Variants in PTGER3 observed in about 807,000 individuals in gnomAD.
PTGER3 encodes prostaglandin E receptor 3.
Under a neutral mutation model 34.7 loss-of-function variants are expected in PTGER3, and 22 were observed. The ratio of observed to expected loss-of-function variants is 0.63; its 90% CI spans 0.45 to 0.91. The LOEUF is 0.91. Ranked by LOEUF, PTGER3 falls within the 40% of genes least tolerant of loss-of-function variation. The pLI is 0.00. For synonymous variants in PTGER3, 241 were observed against 230.1 expected (o/e 1.05, Z -0.43); for missense variants, 468 against 519.4 (o/e 0.90, Z 0.96).
chr1:70,881,504 T>G (rs1646389775), intron 4 of PTGER3, among the ~76,000 whole-genome samples: 1 of 152,184 alleles, frequency 6.6e-6, no homozygotes, highest in African/African-American at 2.4e-5. Context: ...TTGTTGTTGT[T>G]GTTGTTGCCA....
downstream of PTGER3, among the ~76,000 whole-genome samples, chr1:70,969,011 A>G (rs147183952): frequency 6.6e-5 from 10 of 152,238 alleles, no homozygotes; most frequent in Admixed American, 1.3e-4. Flanking sequence ...GTTCAAGACC[A>G]GCCTGGCCAA....
intron 4 of PTGER3, among the ~76,000 whole-genome samples, chr1:70,885,629 G>C (rs66515565): frequency 0.36 from 54,273 of 151,844 alleles, 11,004 homozygotes; most frequent in East Asian, 0.68. Flanking sequence ...ATTCAGCAAG[G>C]ATGAATTTAG....
chr1:70,986,167 T>G (rs928221568), intron 2 of PTGER3, among the ~76,000 whole-genome samples: 4 of 152,078 alleles, frequency 2.6e-5, no homozygotes, highest in African/African-American at 9.7e-5. Context: ...CCCTATATGG[T>G]CTAAAAAGGG....
intron 2 of PTGER3, chr1:71,005,705 C>G (rs1413123045): frequency 4.7e-6 from 1 of 211,074 alleles, no homozygotes; most frequent in African/African-American, 2.4e-5. Context: ...AATGGATTTA[C>G]TCAAGGCTAG....
At chr1:70,927,894 C>T (rs1165560357) in intron 4 of PTGER3, among the ~76,000 whole-genome samples, 2 of 152,046 alleles carry the variant, frequency 1.3e-5, no homozygotes, top group Non-Finnish European at 2.9e-5. Context: ...AACCAAGTGC[C>T]TTAGCTTCTT....
chr1:70,998,062 T>G (rs1311872455), intron 2 of PTGER3, among the ~76,000 whole-genome samples: 1 of 152,252 alleles, frequency 6.6e-6, no homozygotes, highest in Non-Finnish European at 1.5e-5. Context: ...TCTTTCTCTC[T>G]GTAGCTTCTT....
intron 4 of PTGER3, among the ~76,000 whole-genome samples, chr1:70,930,917 C>G (rs1648625829): frequency 6.6e-6 from 1 of 152,112 alleles, no homozygotes; most frequent in Non-Finnish European, 1.5e-5. Context: ...CAACAGTTCC[C>G]CTAAGTCTTA....
chr1:70,986,103 A>G (rs1160284555), intron 2 of PTGER3, among the ~76,000 whole-genome samples: 1 of 152,032 alleles, frequency 6.6e-6, no homozygotes, highest in Non-Finnish European at 1.5e-5. Context: ...TCACTGCTAC[A>G]CTCCCACCAG....
downstream of PTGER3, among the ~76,000 whole-genome samples, chr1:70,970,172 CTTATG>C (rs949419774): frequency 1.1e-4 from 17 of 152,178 alleles, no homozygotes; most frequent in East Asian, 9.6e-4. Context: ...TGAATTCTTA[CTTATG>C]TTAGGTATGA....
At chr1:71,013,174 G>C (rs1450881889) in intron 1 of PTGER3, among the ~76,000 whole-genome samples, 1 of 152,026 alleles carries the variant, frequency 6.6e-6, no homozygotes, top group Non-Finnish European at 1.5e-5. Flanking sequence ...TTTTCCCCAA[G>C]TGCCTAGATC....
chr1:70,923,627 T>C (rs975903466), intron 4 of PTGER3, among the ~76,000 whole-genome samples: 10 of 152,216 alleles, frequency 6.6e-5, no homozygotes, highest in African/African-American at 2.4e-4. Flanking sequence ...AATAGAAGTC[T>C]AAAGTAATCT....
chr1:70,882,000 C>T (rs914323917), intron 4 of PTGER3, among the ~76,000 whole-genome samples: 3 of 151,676 alleles, frequency 2.0e-5, no homozygotes, highest in Admixed American at 6.6e-5. Flanking sequence ...GGAAGCTGCA[C>T]CTCCAACAAA....
chr1:71,015,878 G>A (rs568513444), intron 1 of PTGER3, among the ~76,000 whole-genome samples: 34 of 152,260 alleles, frequency 2.2e-4, no homozygotes, highest in African/African-American at 8.2e-4. Context: ...CCCTGGCAAA[G>A]GGGATGGGAA....
chr1:70,940,367 A>C (rs1649640872), intron 4 of PTGER3, among the ~76,000 whole-genome samples: 1 of 152,148 alleles, frequency 6.6e-6, no homozygotes, highest in South Asian at 2.1e-4. Context: ...AAACTGTTCC[A>C]ATCTCCGCCT....
intron 4 of PTGER3, among the ~76,000 whole-genome samples, chr1:70,907,714 T>G (rs1015878198): frequency 2.0e-5 from 3 of 152,218 alleles, no homozygotes; most frequent in Non-Finnish European, 2.9e-5. Flanking sequence ...CACATATTAC[T>G]TAACTTGTTA....
At chr1:70,907,830 A>G (rs796730050) in intron 4 of PTGER3, among the ~76,000 whole-genome samples, 11 of 152,278 alleles carry the variant, frequency 7.2e-5, no homozygotes, top group African/African-American at 2.6e-4. Context: ...TGGGTGGCTC[A>G]ATATTTCATG....
At chr1:70,942,931 C>T (rs1028627644) in intron 4 of PTGER3, among the ~76,000 whole-genome samples, 7 of 152,160 alleles carry the variant, frequency 4.6e-5, no homozygotes, top group Non-Finnish European at 5.9e-5. Context: ...AGACTTTTCA[C>T]CTCCAAGACT....
At chr1:70,872,796 G>C (rs1646191177) in intron 4 of PTGER3, among the ~76,000 whole-genome samples, 1 of 152,184 alleles carries the variant, frequency 6.6e-6, no homozygotes, top group Non-Finnish European at 1.5e-5. Context: ...CCATAGAGTT[G>C]TGCTGAATTC....
intron 4 of PTGER3, among the ~76,000 whole-genome samples, chr1:70,923,565 A>T (rs1404169115): frequency 6.6e-6 from 1 of 152,196 alleles, no homozygotes; most frequent in Admixed American, 6.6e-5. Context: ...CACTCTTGGA[A>T]AGCTGAAATG....
Sources: gnomAD v4.1 joint callset for allele counts (sites outside exome capture counted in the v4.1 genomes callset) on GRCh38, gnomAD v4.1.1 for gene constraint, MANE v1.5 for transcripts, NCBI Gene and HGNC (gene_info 2026-07-23, HGNC 2026-07-21) for gene names.